Variants in CTSC observed in about 807,000 individuals in gnomAD.
The protein encoded by CTSC is dipeptidyl peptidase 1.
CTSC carries 37 observed loss-of-function variants against 40.9 expected under a neutral mutation model. The observed-to-expected ratio is 0.91, with a 90% CI of 0.70 to 1.19. The LOEUF is 1.19. CTSC is among the 50% of genes most tolerant of loss of function. The probability of loss-of-function intolerance (pLI) is 0.00; values close to 1 mark genes in which losing one functional copy is unlikely to be tolerated. For synonymous variants in CTSC, 232 were observed against 207.4 expected (o/e 1.12, Z -1.02); for missense variants, 594 against 567.3 (o/e 1.05, Z -0.48).
chr11:88,312,528 G>C lies in CTSC; in HGVS notation c.345C>G (p.Thr115=). Residue 115 remains threonine (T), a synonymous_variant, in exon 3 of 7, where the codon ACC becomes ACG. Transcript: ENST00000227266. ...FKYKEEGSKV[T]TYCNETMTGW... is the part of the protein sequence containing the mutation. ...CAGTCATTGTCTCGTTGCAGTAAGTGGTCACCTTGCTGCCCTCTTCTTTAT... is the reference window on the plus strand; with the variant it reads ...CAGTCATTGTCTCGTTGCAGTAAGTCGTCACCTTGCTGCCCTCTTCTTTAT... 6.2e-7 allele frequency: 1 copy of C among 1,614,046 alleles called. No homozygotes were observed. Among genetic ancestry groups the C allele is most frequent in the Non-Finnish European group, 8.5e-7 (1 of 1,180,006 alleles).
intron 4 of CTSC, among the ~76,000 whole-genome samples, chr11:88,307,061 AC>A (rs1362269162): frequency 6.6e-6 from 1 of 152,068 alleles, no homozygotes; most frequent in East Asian, 1.9e-4. Flanking sequence ...AGATAAGGGA[AC>A]TCTCACATTT....
chr11:88,325,796 TC>T, intron 2 of CTSC: 1 of 985,900 alleles, frequency 1.0e-6, no homozygotes, highest in South Asian at 4.7e-5. Context: ...GTCTGACATA[TC>T]TGAGAAAGCC....
intron 5 of CTSC, chr11:88,299,224 A>C (rs540239150): frequency 6.6e-6 from 1 of 152,326 alleles, no homozygotes; most frequent in South Asian, 2.1e-4. Flanking sequence ...AATATGCACT[A>C]TGAATTAATC....
At chr11:88,316,625 AG>A (rs1937885550) in intron 2 of CTSC, among the ~76,000 whole-genome samples, 1 of 152,200 alleles carries the variant, frequency 6.6e-6, no homozygotes, top group Non-Finnish European at 1.5e-5. Flanking sequence ...CTATGACAAT[AG>A]GATTTTTGTT....
intron 1 of CTSC, among the ~76,000 whole-genome samples, chr11:88,335,508 G>A (rs935285841): frequency 6.6e-6 from 1 of 152,060 alleles, no homozygotes; most frequent in Admixed American, 6.5e-5. Context: ...TTGAGCCCAG[G>A]AGTTGGAGGC....
At chr11:88,324,643 A>T (rs913469484) in intron 2 of CTSC, 2 of 984,500 alleles carry the variant, frequency 2.0e-6, no homozygotes, top group Non-Finnish European at 2.4e-6. Flanking sequence ...CAGATTTTCA[A>T]TCTGGAAAGA....
At chr11:88,337,460 C>T in intron 1 of CTSC, 41 bp downstream of exon 1, 2 of 1,550,310 alleles carry the variant, frequency 1.3e-6, no homozygotes, top group Non-Finnish European at 1.7e-6. Flanking sequence ...GGCTCAAGGG[C>T]AGAAAGGACG....
At chr11:88,319,974 T>C (rs1937961837) in intron 2 of CTSC, among the ~76,000 whole-genome samples, 1 of 152,324 alleles carries the variant, frequency 6.6e-6, no homozygotes, top group East Asian at 1.9e-4. Context: ...ATTACCTCCA[T>C]TTGCTGTCAG....
chr11:88,316,627 G>A (rs1565257867), intron 2 of CTSC, among the ~76,000 whole-genome samples: 1 of 152,072 alleles, frequency 6.6e-6, no homozygotes, highest in African/African-American at 2.4e-5. Context: ...ATGACAATAG[G>A]ATTTTTGTTT....
At chr11:88,332,496 T>G (rs894304309) in intron 2 of CTSC, among the ~76,000 whole-genome samples, 2 of 152,226 alleles carry the variant, frequency 1.3e-5, no homozygotes, top group African/African-American at 2.4e-5. Flanking sequence ...AACTCCATCT[T>G]AATATCTTTC....
chr11:88,294,537 C>A, intron 6 of CTSC, 29 bp from the exon 7 acceptor site: 1 of 1,613,150 alleles, frequency 6.2e-7, no homozygotes, highest in South Asian at 1.1e-5. Flanking sequence ...CATGGTTACC[C>A]CTTAGTAGAA....
At chr11:88,336,783 C>A (rs1385599294) in intron 1 of CTSC, among the ~76,000 whole-genome samples, 1 of 152,000 alleles carries the variant, frequency 6.6e-6, no homozygotes, top group Non-Finnish European at 1.5e-5. Context: ...GTTCTTTGTT[C>A]TAGGGGTAAC....
chr11:88,333,291 T>C (rs982654697), intron 2 of CTSC, among the ~76,000 whole-genome samples: 4 of 152,248 alleles, frequency 2.6e-5, no homozygotes, highest in African/African-American at 7.2e-5. Context: ...CTTGTCTCTT[T>C]TTACCTATTC....
intron 2 of CTSC, chr11:88,325,785 A>C (rs889332037): frequency 1.0e-6 from 1 of 985,866 alleles, no homozygotes; most frequent in Non-Finnish European, 1.2e-6. Context: ...ATACTATAGC[A>C]GTCTGACATA....
chr11:88,320,699 A>G (rs1472634908), intron 2 of CTSC: 2 of 365,862 alleles, frequency 5.5e-6, no homozygotes, highest in Non-Finnish European at 7.6e-6. Flanking sequence ...ATAAAAGTCT[A>G]ATCTCTTTTC....
At position 88,337,541 on chromosome 11, in the gene CTSC, G is replaced by A. The variant is rs898936690; in HGVS notation, c.132C>T (p.Gly44=). The change falls in exon 1 of 7, where the codon GGC becomes GGT. Residue 44 remains glycine (G), a synonymous_variant. Coordinates refer to ENST00000227266, the MANE Select transcript of CTSC (RefSeq NM_001814.6). The part of the protein sequence containing the change: ...DLLGTWVFQV[G]SSGSQRDVNC... ...TGACATCGCGCTGGGAACCGCTGGA[G>A]CCCACCTGGAAGACCCAGGTGCCCA... 6.3e-7 allele frequency: 1 copy of A among 1,576,830 alleles called. No individual in the cohort carries two copies. The highest frequency in any genetic ancestry group is 8.6e-7 in the Non-Finnish European group (1 of 1,160,338).
chr11:88,301,808 GCGCACACACA>G (rs1944366376), intron 4 of CTSC, among the ~76,000 whole-genome samples: 2 of 119,476 alleles, frequency 1.7e-5, no homozygotes, highest in African/African-American at 5.5e-5. Flanking sequence ...AAACACACGC[GCGCACACACA>G]CACACACACA....
chr11:88,296,072 A>G (rs1183068648), intron 6 of CTSC, 61 bp downstream of exon 6: 2 of 1,596,602 alleles, frequency 1.3e-6, no homozygotes, highest in Non-Finnish European at 1.7e-6. Flanking sequence ...GCCTTTGCCA[A>G]CAACAGCCAG....
At chr11:88,334,017 T>G (rs758105450) in intron 2 of CTSC, among the ~76,000 whole-genome samples, 2 of 152,232 alleles carry the variant, frequency 1.3e-5, no homozygotes, top group Non-Finnish European at 2.9e-5. Flanking sequence ...CATGAGAAAT[T>G]ATAACAAGTT....
Sources: allele counts gnomAD v4.1 joint callset (sites outside exome capture counted in the v4.1 genomes callset), GRCh38; gene constraint gnomAD v4.1.1; transcripts MANE v1.5; gene names NCBI Gene and HGNC (gene_info 2026-07-23, HGNC 2026-07-21).